The following CLIP4 variants were observed in gnomAD, a reference collection of about 807,000 sequenced individuals.
CLIP4 encodes the protein CAP-Gly domain containing linker protein family member 4.
Under a neutral mutation model 73.1 loss-of-function variants are expected in CLIP4, and 47 were observed. The observed-to-expected ratio is 0.64, with a 90% CI of 0.51 to 0.82. The LOEUF is 0.82. Ranked by LOEUF, CLIP4 falls within the 40% of genes least tolerant of loss-of-function variation. The pLI is 0.00. For synonymous variants in CLIP4, 306 were observed against 295.4 expected (o/e 1.04, Z -0.37); for missense variants, 874 against 852.9 (o/e 1.02, Z -0.31).
At chr2:29,157,141 A>G in intron 10 of CLIP4, 63 bp from the exon 11 acceptor site, 3 of 1,438,282 alleles carry the variant, frequency 2.1e-6, no homozygotes, top group Non-Finnish European at 2.0e-6. Flanking sequence ...ATTTGCCTTG[A>G]CAAGCTGCTT....
Position 29,121,365 on chromosome 2 carries a change from T to C in CLIP4, c.-15-9T>C. ...AGTAGAAACACTTTTTTTTTCTTTCTTATTATAGGTGGCTTTCTAGAAGAT... is the reference window on the plus strand; with the variant it reads ...AGTAGAAACACTTTTTTTTTCTTTCCTATTATAGGTGGCTTTCTAGAAGAT... On this transcript the variant is annotated splice_polypyrimidine_tract_variant and intron_variant, in intron 1 of 15. Coordinates refer to ENST00000320081, the MANE Select transcript of CLIP4 (RefSeq NM_024692.6). 1 of 1,578,622 alleles carries C rather than the reference T, an allele frequency of 6.3e-7. No individual in the cohort carries two copies. The highest frequency in any genetic ancestry group is 8.6e-7 in the Non-Finnish European group (1 of 1,168,674).
At chr2:29,152,909 C>CTTT in intron 9 of CLIP4, 81 bp downstream of exon 9, 1 of 1,451,724 alleles carries the variant, frequency 6.9e-7, no homozygotes, top group Non-Finnish European at 9.4e-7. Flanking sequence ...GATTGCTTCA[C>CTTT]TTTTTTTTGT....
intron 14 of CLIP4, chr2:29,167,742 TC>T: frequency 2.4e-6 from 1 of 414,362 alleles, no homozygotes; most frequent in Non-Finnish European, 4.3e-6. Flanking sequence ...GAGTACCCCA[TC>T]CCATCTCATC....
In CLIP4 at chr2:29,183,000, C is replaced by T. The variant is rs1249450028; in HGVS notation, c.*1107C>T. On this transcript the variant is annotated 3_prime_UTR_variant, in exon 16 of 16. Coordinates refer to ENST00000320081, the MANE Select transcript of CLIP4 (RefSeq NM_024692.6). ...GGTGTTGTTTGCTGTTTTTATTTCT[C>T]TAATTGTTGCAGAGTTCTGCCTGTT... 1 of 152,312 alleles carries T rather than the reference C, an allele frequency of 6.6e-6. No homozygotes were observed. Among genetic ancestry groups the T allele is most frequent in the East Asian group, 1.9e-4 (1 of 5,188 alleles). The allele number at this position is 152,312 out of a possible 1,614,324, so 9.4% of individuals were successfully genotyped here.
chr2:29,113,525 A>G (rs1260970082), upstream of CLIP4, among the ~76,000 whole-genome samples: 3 of 152,244 alleles, frequency 2.0e-5, no homozygotes, highest in Non-Finnish European at 4.4e-5. The surrounding 1 kb of genome is among the most constrained non-coding windows in gnomAD (Gnocchi z 4.0). Context: ...GGTATAAAGA[A>G]GTAACGTCAG....
At chr2:29,179,865 T>G (rs1668548298) in intron 15 of CLIP4, among the ~76,000 whole-genome samples, 1 of 152,238 alleles carries the variant, frequency 6.6e-6, no homozygotes. Flanking sequence ...ATTTGACATG[T>G]AAATAATTTA....
chr2:29,153,143 T>C (rs1666690403), intron 9 of CLIP4, among the ~76,000 whole-genome samples: 1 of 152,132 alleles, frequency 6.6e-6, no homozygotes, highest in Non-Finnish European at 1.5e-5. Context: ...TCCTTGCCTA[T>C]TGAAGGATGT....
At chr2:29,127,078 C>T (rs1664655756) in intron 2 of CLIP4, among the ~76,000 whole-genome samples, 1 of 152,048 alleles carries the variant, frequency 6.6e-6, no homozygotes, top group East Asian at 1.9e-4. Context: ...TAAGTTTTGT[C>T]TCATTAAGCT....
rs139630578 is a variant in CLIP4 at position 29,119,229 on chromosome 2, A to G, written c.-15-2145A>G. 6.8e-4 allele frequency among the ~76,000 whole-genome samples: 103 copies of G among 152,302 alleles called. No homozygotes were observed. In the East Asian group the frequency reaches 0.02, roughly 29 times the overall value. ...AAGCTGGTTACATCTGATTGCATGA[A>G]TCCTCTTTCCACTTTGAATCTAAGC... On this transcript the variant is annotated intron_variant, in intron 1 of 15. Transcript: ENST00000320081.
chr2:29,158,213 TTTC>T (rs979356479), intron 11 of CLIP4, among the ~76,000 whole-genome samples: 3 of 152,170 alleles, frequency 2.0e-5, no homozygotes, highest in African/African-American at 7.2e-5. Flanking sequence ...CCAACCAGTT[TTTC>T]TTTATGTTGT....
chr2:29,127,924 A>T (rs1431506006), intron 2 of CLIP4, among the ~76,000 whole-genome samples: 2 of 152,202 alleles, frequency 1.3e-5, no homozygotes, highest in African/African-American at 4.8e-5. Context: ...ATTTGAAGAT[A>T]ATAACTGGAA....
At chr2:29,171,285 T>C (rs749301792) in intron 14 of CLIP4, among the ~76,000 whole-genome samples, 41 of 152,312 alleles carry the variant, frequency 2.7e-4, no homozygotes, top group African/African-American at 8.4e-4. Context: ...CAGAGTTTTA[T>C]AGTTTTCCTC....
At chr2:29,145,867 A>G (rs986500394) in intron 8 of CLIP4, among the ~76,000 whole-genome samples, 4 of 152,156 alleles carry the variant, frequency 2.6e-5, no homozygotes, top group Admixed American at 2.6e-4. Context: ...TTTTCAGTAG[A>G]GACAGGGTTT....
At chr2:29,170,613 G>A (rs1038567273) in intron 14 of CLIP4, among the ~76,000 whole-genome samples, 2 of 152,124 alleles carry the variant, frequency 1.3e-5, no homozygotes, top group African/African-American at 2.4e-5. Context: ...AATGAAGTCC[G>A]AGTTATCAGT....
At chr2:29,156,668 A>G (rs895605385) in intron 10 of CLIP4, among the ~76,000 whole-genome samples, 1 of 152,190 alleles carries the variant, frequency 6.6e-6, no homozygotes, top group South Asian at 2.1e-4. Context: ...TAAATTAGAT[A>G]ACTACTGGAC....
Position 29,158,506 on chromosome 2 carries a change from C to G in CLIP4, c.1399+1159C>G, listed in dbSNP as rs182061505. ...GAGTTATCAGAGTGAGAAAGAGGAC[C>G]TTTCAAAGAGGGAGATGGGCCGAGA... On this transcript the variant is annotated intron_variant, in intron 11 of 15. Coordinates refer to ENST00000320081, the MANE Select transcript of CLIP4 (RefSeq NM_024692.6). 3.2e-3 allele frequency among the ~76,000 whole-genome samples: 485 copies of G among 151,868 alleles called. 3 individuals are homozygous for G. Among genetic ancestry groups the G allele is most frequent in the Non-Finnish European group, 4.4e-3 (298 of 67,950 alleles).
intron 15 of CLIP4, among the ~76,000 whole-genome samples, chr2:29,176,957 C>T (rs559899894): frequency 1.7e-3 from 264 of 152,234 alleles, no homozygotes; most frequent in African/African-American, 5.9e-3. Context: ...TTAAAGCTTT[C>T]GAATTCTCAA....
chr2:29,113,927 A>G (rs942477500), upstream of CLIP4: 1 of 152,202 alleles, frequency 6.6e-6, no homozygotes, highest in Non-Finnish European at 1.5e-5. The surrounding 1 kb of genome is among the most constrained non-coding windows in gnomAD (Gnocchi z 4.0). Flanking sequence ...GGGTCAGACA[A>G]GAAGAGGGTA....
rs80308851 is a variant in CLIP4, at chr2:29,121,879, A to G, written c.133+358A>G. 1.9e-3 allele frequency among the ~76,000 whole-genome samples: 286 copies of G among 152,336 alleles called. 3 individuals carry two copies. The highest frequency in any genetic ancestry group is 6.6e-3 in the African/African-American group (276 of 41,574). ...GCTAAAAAAGCCATGTACTTAGGCA[A>G]AGAGGGTAAGAGACCCTTCCCTGGA... On this transcript the variant is annotated intron_variant, in intron 2 of 15. Transcript: ENST00000320081.
Sources: allele counts gnomAD v4.1 joint callset (sites outside exome capture counted in the v4.1 genomes callset), GRCh38; gene constraint gnomAD v4.1.1; non-coding constraint Gnocchi (gnomAD v3.1); transcripts MANE v1.5; gene names NCBI Gene and HGNC (gene_info 2026-07-23, HGNC 2026-07-21).